JCAD: variants seen among roughly 807,000 people sequenced by gnomAD.
JCAD encodes junctional cadherin 5 associated.
Under a neutral mutation model 98.0 loss-of-function variants are expected in JCAD, and 40 were observed. That is an observed-to-expected ratio of 0.41 (90% CI 0.32 to 0.53). JCAD has a LOEUF of 0.53. JCAD is among the 20% of genes least tolerant of loss of function. JCAD has a pLI of 0.31. For missense variants in JCAD, 1,705 were observed against 1,738.1 expected, an observed-to-expected ratio of 0.98 and a Z score of 0.34; for synonymous variants, 691 against 682.3, an observed-to-expected ratio of 1.01 and a Z score of -0.20.
In JCAD at chr10:30,047,834, C is replaced by T; in HGVS notation, c.-22G>A. 6.3e-7 allele frequency: 1 copy of T among 1,582,926 alleles called. No homozygotes were observed. Among genetic ancestry groups the T allele is most frequent in the Non-Finnish European group, 8.6e-7 (1 of 1,163,428 alleles). ...ACATGATGCCTGGGCTTCAGCAAAG[C>T]TCAACCACTGGAACCATGGTGGTGG... On this transcript the variant is annotated 5_prime_UTR_variant, in exon 2 of 4. Transcript: ENST00000375377.
At chr10:30,044,477 C>T (rs930858735) in intron 2 of JCAD, among the ~76,000 whole-genome samples, 1 of 152,106 alleles carries the variant, frequency 6.6e-6, no homozygotes, top group African/African-American at 2.4e-5. Context: ...TTCCCAATCA[C>T]GCTGATGGCT....
chr10:30,099,109 C>T (rs1032401134), intron 1 of JCAD, among the ~76,000 whole-genome samples: 3 of 152,190 alleles, frequency 2.0e-5, no homozygotes, highest in Non-Finnish European at 4.4e-5. Flanking sequence ...TTTCTCTAAA[C>T]TGTGAATCTA....
At chr10:30,049,733 A>C (rs1399397505) in intron 1 of JCAD, among the ~76,000 whole-genome samples, 1 of 152,198 alleles carries the variant, frequency 6.6e-6, no homozygotes, top group Non-Finnish European at 1.5e-5. Context: ...AAGTTCCACC[A>C]TGGGAGGGAT....
intron 1 of JCAD, 25 bp from the exon 2 acceptor site, chr10:30,047,896 T>C: frequency 6.9e-7 from 1 of 1,442,258 alleles, no homozygotes. Context: ...AGAGCTCTAT[T>C]TGTGACTAGG....
Position 30,059,032 on chromosome 10 carries a change from G to T in JCAD, c.-60+450C>A, listed in dbSNP as rs2132657501. Among the ~76,000 whole-genome samples, 1 of 152,226 alleles carries T rather than the reference G, an allele frequency of 6.6e-6. No homozygotes were observed. Among genetic ancestry groups the T allele is most frequent in the Non-Finnish European group, 1.5e-5 (1 of 67,982 alleles). On this transcript the variant is annotated intron_variant, in intron 1 of 3. Coordinates refer to ENST00000375377, the MANE Select transcript of JCAD (RefSeq NM_020848.4). The surrounding 1 kb of genome is among the most constrained non-coding windows in gnomAD (Gnocchi z 5.0). ...CGGCGGCTGTCAGCTCTGGGGTGAG[G>T]TCCGCGAGATCTGGGCGCGAGGGCG...
At chr10:30,018,663 T>TG (rs1222710526) in intron 3 of JCAD, among the ~76,000 whole-genome samples, 11 of 152,210 alleles carry the variant, frequency 7.2e-5, no homozygotes, top group African/African-American at 2.7e-4. Flanking sequence ...CTGCTGCTGC[T>TG]GGGTGCTGCC....
Position 30,029,007 on chromosome 10 carries a change from C to T in JCAD, c.1141G>A (p.Gly381Arg). Reference sequence around the variant, plus strand: ...CCTGAAGGAGGCTGACCGCTGGCCCCAGCCTTCTCGGTCGGAGACTGCTGT... The same window carrying T: ...CCTGAAGGAGGCTGACCGCTGGCCCTAGCCTTCTCGGTCGGAGACTGCTGT... Reference protein sequence around the residue: ...SQQQSPTEKAGASGQPPSGPP... With the variant: ...SQQQSPTEKARASGQPPSGPP... The change falls in exon 3 of 4, where the codon GGG becomes AGG. Residue 381 changes from glycine (G) to arginine (R), a missense_variant. Transcript: ENST00000375377. The T allele has an allele frequency of 6.2e-7, 1 of 1,614,072 alleles. No homozygotes were observed. The highest frequency in any genetic ancestry group is 8.5e-7 in the Non-Finnish European group (1 of 1,180,024).
chr10:30,026,190 C>T lies in JCAD; in HGVS notation c.3958G>A (p.Val1320Met), dbSNP rs1195149554. ...RAQRLGHSLSVSKDSISREEK... is the reference protein window; with the variant it reads ...RAQRLGHSLSMSKDSISREEK... Reference sequence around the variant, plus strand: ...TCCCTGGAGATGCTGTCCTTGGACACAGAGAGTGAGTGGCCCAATCTCTGG... The same window carrying T: ...TCCCTGGAGATGCTGTCCTTGGACATAGAGAGTGAGTGGCCCAATCTCTGG... Residue 1320 changes from valine (V) to methionine (M), a missense_variant, in exon 3 of 4, where the codon GTG becomes ATG. Around this residue, in one of 3 missense-constraint regions of JCAD, gnomAD observed 1,278 missense variants for 1,243.1 expected, o/e 1.03. Transcript: ENST00000375377. The T allele has an allele frequency of 6.2e-7, 1 of 1,614,082 alleles. No homozygotes were observed. Among genetic ancestry groups the T allele is most frequent in the East Asian group, 2.2e-5 (1 of 44,886 alleles).
chr10:30,051,307 C>CACACACACACACACACAA (rs942139423), intron 1 of JCAD, among the ~76,000 whole-genome samples: 17 of 151,566 alleles, frequency 1.1e-4, no homozygotes, highest in African/African-American at 4.1e-4. Context: ...CACACACACA[C>CACACACACACACACACAA]AAGAGTTGAT....
chr10:30,043,148 C>A (rs1235831058), intron 2 of JCAD, among the ~76,000 whole-genome samples: 1 of 152,206 alleles, frequency 6.6e-6, no homozygotes, highest in East Asian at 1.9e-4. Flanking sequence ...TGTCATTCTT[C>A]TCCTGTCCTA....
chr10:30,047,599 G>T lies in JCAD; in HGVS notation c.214C>A (p.Arg72Ser). The T allele has an allele frequency of 6.2e-7, 1 of 1,614,050 alleles. No homozygotes were observed. Among genetic ancestry groups the T allele is most frequent in the Non-Finnish European group, 8.5e-7 (1 of 1,180,016 alleles). The change falls in exon 2 of 4, where the codon CGC becomes AGC. Residue 72 changes from arginine (R) to serine (S), a missense_variant. Physicochemically the swap from Arg to Ser is moderately radical, Grantham distance 110 (BLOSUM62 -1). Transcript: ENST00000375377. ...GKGHVSDSESRRSTPRGHGEP... is the reference protein window; with the variant it reads ...GKGHVSDSESSRSTPRGHGEP... ...CCGTGGCCTCTCGGTGTGCTGCGGC[G>T]GCTTTCGGAGTCACTCACATGTCCT...
intron 1 of JCAD, among the ~76,000 whole-genome samples, chr10:30,051,263 C>T (rs186487072): frequency 7.4e-6 from 1 of 134,974 alleles, no homozygotes; most frequent in East Asian, 2.0e-4. Flanking sequence ...ACCACACGCA[C>T]ACACGCACGC....
chr10:30,076,786 A>T (rs75439816), intron 1 of JCAD, among the ~76,000 whole-genome samples: 364 of 152,332 alleles, frequency 2.4e-3, no homozygotes, highest in Non-Finnish European at 4.2e-3. Context: ...TCAACATCAT[A>T]GGAATGAAAG....
chr10:30,048,197 C>T (rs553334393), intron 1 of JCAD, among the ~76,000 whole-genome samples: 17 of 152,290 alleles, frequency 1.1e-4, no homozygotes, highest in African/African-American at 4.1e-4. Flanking sequence ...CCTTGTCCCA[C>T]TCACCTACAA....
chr10:30,071,463 C>T (rs1019571481), intron 1 of JCAD, among the ~76,000 whole-genome samples: 1 of 152,000 alleles, frequency 6.6e-6, no homozygotes, highest in African/African-American at 2.4e-5. Context: ...TTTCAAGCCA[C>T]GTGATGTACA....
intron 1 of JCAD, among the ~76,000 whole-genome samples, chr10:30,079,934 A>T (rs1260176851): frequency 6.6e-6 from 1 of 152,064 alleles, no homozygotes; most frequent in Non-Finnish European, 1.5e-5. Context: ...CATTTACTTA[A>T]TTTTTCAAAC....
At chr10:30,113,566 A>AG (rs1838743149) in intron 1 of JCAD, among the ~76,000 whole-genome samples, 1 of 148,576 alleles carries the variant, frequency 6.7e-6, no homozygotes, top group East Asian at 2.0e-4. Context: ...AAAAAAAAAA[A>AG]AAAAAAAAAA....
intron 3 of JCAD, among the ~76,000 whole-genome samples, chr10:30,019,217 C>T (rs146722954): frequency 3.7e-4 from 56 of 151,986 alleles, no homozygotes; most frequent in South Asian, 1.5e-3. Flanking sequence ...ATTAACCAGG[C>T]ATGGTGGTAC....
chr10:30,055,012 A>G (rs1424389576), intron 1 of JCAD, among the ~76,000 whole-genome samples: 1 of 152,218 alleles, frequency 6.6e-6, no homozygotes, highest in Admixed American at 6.5e-5. Flanking sequence ...GGAAGCCTCA[A>G]TGACAATAAA....
Sources: gnomAD v4.1 joint callset for allele counts (sites outside exome capture counted in the v4.1 genomes callset) on GRCh38, gnomAD v4.1.1 for gene constraint, gnomAD v4.1.1 regional missense constraint, Gnocchi (gnomAD v3.1) non-coding constraint, MANE v1.5 for transcripts, NCBI Gene and HGNC (gene_info 2026-07-23, HGNC 2026-07-21) for gene names.